The following KCNIP4 variants were observed in gnomAD, a reference collection of about 807,000 sequenced individuals.
The protein encoded by KCNIP4 is potassium voltage-gated channel interacting protein 4.
A neutral mutation model predicts 34.0 loss-of-function variants in KCNIP4; 12 were observed. The ratio of observed to expected loss-of-function variants is 0.35; its 90% CI spans 0.23 to 0.57. The LOEUF (loss-of-function observed/expected upper bound fraction) is 0.57. Among genes scored for constraint, KCNIP4 ranks in the 20% least tolerant of loss-of-function variants. The pLI, the probability that KCNIP4 is intolerant of heterozygous loss-of-function variation, is 0.83. For synonymous variants in KCNIP4, 124 were observed against 102.2 expected (o/e 1.21, Z -1.29); for missense variants, 238 against 311.7 (o/e 0.76, Z 1.78).
At chr4:21,598,021 C>T (rs913614717) in intron 1 of KCNIP4, among the ~76,000 whole-genome samples, 4 of 152,160 alleles carry the variant, frequency 2.6e-5, no homozygotes, top group South Asian at 4.1e-4. Flanking sequence ...TAAATTATTT[C>T]GGTACGTCTG....
chr4:21,201,734 A>G (rs1410278764), intron 1 of KCNIP4, among the ~76,000 whole-genome samples: 1 of 152,198 alleles, frequency 6.6e-6, no homozygotes, highest in East Asian at 1.9e-4. Context: ...TCCTGACCTC[A>G]TAATCCACTC....
At position 21,913,364 on chromosome 4, in the gene KCNIP4, CTT is replaced by C. The variant is rs56409249; in HGVS notation, c.61+35205_61+35206del. Reference sequence around the variant, plus strand: ...GTATTTTGTTTTTTTTTTCTTTTTCCTTTTTTTTTTTAAAGGTATTTGGCTCT... The same window carrying C: ...GTATTTTGTTTTTTTTTTCTTTTTCCTTTTTTTTTAAAGGTATTTGGCTCT... On this transcript the variant is annotated intron_variant, in intron 1 of 8. Transcript: ENST00000382152. 1.6e-4 allele frequency among the ~76,000 whole-genome samples: 23 copies of C among 145,076 alleles called. No homozygotes were observed. In the East Asian group the frequency reaches 3.1e-3, roughly 19 times the overall value.
intron 1 of KCNIP4, among the ~76,000 whole-genome samples, chr4:21,763,806 G>A (rs1169760567): frequency 2.0e-5 from 3 of 152,104 alleles, no homozygotes; most frequent in Non-Finnish European, 4.4e-5. Flanking sequence ...AAAAATGAAT[G>A]TGACAAAAGC....
rs1036034268 is a variant in KCNIP4, at chr4:21,226,240, AG to A, written c.62-343532del. Among the ~76,000 whole-genome samples the A allele has an allele frequency of 2.4e-4, 7 of 29,460 alleles. 1 individual carries two copies. Among genetic ancestry groups the A allele is most frequent in the Admixed American group, 1.0e-3 (2 of 2,000 alleles). 19.3% of individuals were successfully genotyped at this position (29,460 alleles called of 152,430 possible). A position where few individuals can be genotyped will look rare whatever the true frequency, so the allele number is the denominator to read the frequency against. ...CAGCCTGGGCAGCATAGGGGGAGGG[AG>A]GGGGGGAGGGAGGGAGGGAGGGAGG... On this transcript the variant is annotated intron_variant, in intron 1 of 8. Transcript: ENST00000382152.
intron 1 of KCNIP4, among the ~76,000 whole-genome samples, chr4:21,025,021 A>G (rs577279092): frequency 3.9e-5 from 6 of 152,338 alleles, no homozygotes; most frequent in Non-Finnish European, 8.8e-5. Context: ...TTAAAATAGA[A>G]TGAGGCTGTG....
chr4:21,767,203 AC>A (rs146121350), intron 1 of KCNIP4, among the ~76,000 whole-genome samples: 12 of 152,260 alleles, frequency 7.9e-5, no homozygotes, highest in African/African-American at 2.6e-4. Context: ...ACGAGCAAGG[AC>A]TAGTGATACC....
intron 1 of KCNIP4, among the ~76,000 whole-genome samples, chr4:21,524,676 A>G (rs1735822880): frequency 6.6e-6 from 1 of 152,026 alleles, no homozygotes; most frequent in East Asian, 1.9e-4. Context: ...ATTCCCTTCC[A>G]TACCATCTAA....
chr4:21,002,084 T>G (rs1168516088), intron 1 of KCNIP4, among the ~76,000 whole-genome samples: 1 of 152,234 alleles, frequency 6.6e-6, no homozygotes. Flanking sequence ...TGTTTCCCTC[T>G]TCTTAGAGGA....
At chr4:20,909,769 AT>A (rs1020832863) in intron 1 of KCNIP4, among the ~76,000 whole-genome samples, 2 of 151,808 alleles carry the variant, frequency 1.3e-5, no homozygotes, top group African/African-American at 2.4e-5. Context: ...TGTCTATTTC[AT>A]TTTTTTTCAT....
At chr4:21,242,015 T>C (rs1207406604) in intron 1 of KCNIP4, among the ~76,000 whole-genome samples, 1 of 151,522 alleles carries the variant, frequency 6.6e-6, no homozygotes, top group Non-Finnish European at 1.5e-5. Flanking sequence ...TACAAAAAAA[T>C]TAGCCAGGCG....
intron 1 of KCNIP4, among the ~76,000 whole-genome samples, chr4:21,191,968 T>A (rs1321837568): frequency 6.6e-6 from 1 of 152,168 alleles, no homozygotes; most frequent in Non-Finnish European, 1.5e-5. Flanking sequence ...CCAGTAGAGA[T>A]CTTGATTCAT....
At chr4:21,900,711 T>G (rs1286146609) in intron 1 of KCNIP4, among the ~76,000 whole-genome samples, 2 of 152,218 alleles carry the variant, frequency 1.3e-5, no homozygotes. Flanking sequence ...TCCCTAGGAA[T>G]AGTGTAAACA....
intron 1 of KCNIP4, among the ~76,000 whole-genome samples, chr4:21,289,793 G>C (rs771824269): frequency 2.0e-5 from 3 of 152,130 alleles, no homozygotes; most frequent in Non-Finnish European, 4.4e-5. Context: ...AGAAGCTGCT[G>C]CTAGGGAAAT....
intron 1 of KCNIP4, among the ~76,000 whole-genome samples, chr4:21,370,964 C>G (rs1398565054): frequency 7.5e-6 from 1 of 133,940 alleles, no homozygotes; most frequent in Non-Finnish European, 1.5e-5. Flanking sequence ...ATTCTAGAGC[C>G]AAATCTTTGA....
At chr4:21,566,734 A>G (rs2109043063) in intron 1 of KCNIP4, among the ~76,000 whole-genome samples, 1 of 152,290 alleles carries the variant, frequency 6.6e-6, no homozygotes, top group Non-Finnish European at 1.5e-5. Context: ...ATTTGGGAGT[A>G]AGAAGACTTA....
chr4:21,091,394 G>A (rs11945646), intron 1 of KCNIP4, among the ~76,000 whole-genome samples: 25,616 of 152,168 alleles, frequency 0.17, 2,239 homozygotes, highest in East Asian at 0.24. Flanking sequence ...ATTTTCCAGA[G>A]AAGGGCATTA....
chr4:20,731,309 A>G, intron 8 of KCNIP4: 4 of 810,814 alleles, frequency 4.9e-6, no homozygotes, highest in Non-Finnish European at 6.0e-6. Context: ...CCTGGCCTTA[A>G]GTTATCTTCC....
chr4:20,956,511 A>AG (rs536024849), intron 1 of KCNIP4, among the ~76,000 whole-genome samples: 1 of 151,794 alleles, frequency 6.6e-6, no homozygotes, highest in African/African-American at 2.4e-5. Context: ...TTCCAAAAAA[A>AG]AAAAGTTTTC....
intron 1 of KCNIP4, among the ~76,000 whole-genome samples, chr4:20,974,539 G>A (rs977534238): frequency 3.3e-5 from 5 of 152,110 alleles, no homozygotes; most frequent in African/African-American, 1.2e-4. Context: ...AAATGCTAAG[G>A]TAGGTTTTTT....
Sources: gnomAD v4.1 joint callset for allele counts (sites outside exome capture counted in the v4.1 genomes callset) on GRCh38, gnomAD v4.1.1 for gene constraint, MANE v1.5 for transcripts, NCBI Gene and HGNC (gene_info 2026-07-23, HGNC 2026-07-21) for gene names.